PICALM: variants seen among roughly 807,000 people sequenced by gnomAD.
PICALM encodes the protein phosphatidylinositol-binding clathrin assembly protein.
A neutral mutation model predicts 80.5 loss-of-function variants in PICALM; 40 were observed. The ratio of observed to expected loss-of-function variants is 0.50; its 90% CI spans 0.39 to 0.65. The LOEUF is 0.65. Ranked by LOEUF, PICALM falls within the 30% of genes least tolerant of loss-of-function variation. The pLI is 0.00. For synonymous variants in PICALM, 288 were observed against 260.3 expected (o/e 1.11, Z -1.02); for missense variants, 676 against 778.9 (o/e 0.87, Z 1.57).
intron 1 of PICALM, among the ~76,000 whole-genome samples, chr11:86,042,501 A>T (rs2095991405): frequency 1.3e-5 from 2 of 152,116 alleles, no homozygotes; most frequent in Non-Finnish European, 1.5e-5. Flanking sequence ...TTCTTTGAAG[A>T]TCTTAAATTT....
intron 19 of PICALM, among the ~76,000 whole-genome samples, chr11:85,966,210 GT>G (rs1057261294): frequency 4.0e-5 from 6 of 150,356 alleles, no homozygotes; most frequent in East Asian, 2.0e-4. Context: ...CTCTAAAACT[GT>G]TTTTCCCCCC....
At chr11:85,989,808 G>A (rs1230992057) in intron 13 of PICALM, among the ~76,000 whole-genome samples, 1 of 151,944 alleles carries the variant, frequency 6.6e-6, no homozygotes, top group East Asian at 1.9e-4. Flanking sequence ...AGTTAAAAGA[G>A]AAATAAAATA....
intron 1 of PICALM, among the ~76,000 whole-genome samples, chr11:86,065,428 C>T (rs2096433339): frequency 2.0e-5 from 3 of 150,676 alleles, no homozygotes; most frequent in East Asian, 1.9e-4. Flanking sequence ...GGCGACAGAG[C>T]GAGACTCCGT....
chr11:85,996,693 T>C (rs1239223698), intron 12 of PICALM, 133 bp downstream of exon 12: 2 of 577,104 alleles, frequency 3.5e-6, no homozygotes, highest in Non-Finnish European at 6.1e-6. Context: ...GGGATAAAAT[T>C]GCTTCATTGC....
intron 1 of PICALM, among the ~76,000 whole-genome samples, chr11:86,051,131 T>C (rs926647996): frequency 6.6e-6 from 1 of 152,200 alleles, no homozygotes; most frequent in Admixed American, 6.6e-5. Context: ...GACAGAATAC[T>C]CTGATGGAGA....
Position 85,985,992 on chromosome 11 carries a change from T to C in PICALM, c.1409-2019A>G, listed in dbSNP as rs543302805. Among the ~76,000 whole-genome samples the C allele has an allele frequency of 2.6e-5, 4 of 152,280 alleles. No individual in the cohort carries two copies. The South Asian group carries it at 8.3e-4, about 32-fold the overall frequency. On this transcript the variant is annotated intron_variant, in intron 13 of 19. Transcript: ENST00000393346. ...TTCTGTAAAAAGAGGAGCCATCTCC[T>C]GAGGTGCCTAGAGGTACCAATCTGT...
intron 1 of PICALM, among the ~76,000 whole-genome samples, chr11:86,057,129 G>A (rs1407211033): frequency 1.3e-5 from 2 of 151,914 alleles, no homozygotes; most frequent in African/African-American, 4.8e-5. Flanking sequence ...AAATAACACT[G>A]AATTCTCTAC....
rs142284634 is a variant in PICALM at position 86,000,551 on chromosome 11, T to C, written c.1154+92A>G. ...TTTGTGTGAATAGATTATAAAAGCA[T>C]AAATAAAAGTAAACCTGAAAAGTTC... is the stretch of plus-strand genomic sequence containing the variant. On this transcript the variant is annotated intron_variant, in intron 11 of 19. Coordinates refer to ENST00000393346, the MANE Select transcript of PICALM (RefSeq NM_007166.4). 2,929 of 952,452 alleles carry C rather than the reference T, an allele frequency of 3.1e-3. 66 individuals are homozygous for C. The African/African-American group carries it at 0.041, about 13-fold the overall frequency. 59.0% of individuals were successfully genotyped at this position (952,452 alleles called of 1,614,324 possible).
rs2093602074 is a variant in PICALM at position 85,959,138 on chromosome 11, T to C, written c.1945-78A>G. The C allele has an allele frequency of 3.9e-6, 4 of 1,020,812 alleles. No individual in the cohort carries two copies. The African/African-American group carries it at 6.4e-5, about 16-fold the overall frequency. The allele number at this position is 1,020,812 out of a possible 1,614,324, so 63.2% of individuals were successfully genotyped here. On this transcript the variant is annotated intron_variant, in intron 19 of 19. Transcript: ENST00000393346. ...ATAAATAAAAATGCTTTGTGGTCTT[T>C]ACCATTTAACTGGCCCAGAAGTGTT...
At position 86,003,413 on chromosome 11, in the gene PICALM, T is replaced by C. The variant is rs200195910; in HGVS notation, c.846A>G (p.Leu282=). The C allele has an allele frequency of 8.3e-5, 132 of 1,599,824 alleles. No individual in the cohort carries two copies. Among genetic ancestry groups the C allele is most frequent in the Non-Finnish European group, 1.1e-4 (128 of 1,169,614 alleles). Residue 282 remains leucine (L), a synonymous_variant, in exon 9 of 20, where the codon TTA becomes TTG. Coordinates refer to ENST00000393346, the MANE Select transcript of PICALM (RefSeq NM_007166.4). ...SSLLDALEQH[L]ASLEGKKIKD... ...TGATTTTCTTTCCTTCCAAGGAAGC[T>C]AAATGTTGTTCCAAAGCATCAAGAA...
chr11:85,996,961 T>G, intron 11 of PICALM, 32 bp from the exon 12 acceptor site: 1 of 1,480,284 alleles, frequency 6.8e-7, no homozygotes, highest in Admixed American at 1.7e-5. Context: ...GTGTTTTATT[T>G]ACCAGAAAAA....
intron 19 of PICALM, chr11:85,960,710 T>C: frequency 1.5e-6 from 2 of 1,319,012 alleles, no homozygotes; most frequent in Admixed American, 2.3e-5. Context: ...CAAAGAGAGC[T>C]CTGCAAAGGG....
chr11:85,959,798 T>G (rs573551526), intron 19 of PICALM, among the ~76,000 whole-genome samples: 1 of 152,180 alleles, frequency 6.6e-6, no homozygotes, highest in Non-Finnish European at 1.5e-5. Context: ...CAGGCTGATC[T>G]TGAACTACTA....
chr11:86,031,434 C>G, intron 2 of PICALM, 35 bp downstream of exon 2: 2 of 1,555,268 alleles, frequency 1.3e-6, no homozygotes, highest in Non-Finnish European at 1.8e-6. Context: ...TAAGTCAACA[C>G]ATCAGTATAC....
intron 1 of PICALM, among the ~76,000 whole-genome samples, chr11:86,051,214 C>G (rs1208047525): frequency 6.6e-6 from 1 of 152,112 alleles, no homozygotes; most frequent in African/African-American, 2.4e-5. Flanking sequence ...ACAAAAAAAG[C>G]TAAAGGAGCA....
chr11:86,040,869 T>C (rs1028655438), intron 1 of PICALM, among the ~76,000 whole-genome samples: 3 of 152,176 alleles, frequency 2.0e-5, no homozygotes, highest in Non-Finnish European at 2.9e-5. Context: ...TACTTAGATA[T>C]ACAAAGCTGA....
intron 3 of PICALM, among the ~76,000 whole-genome samples, chr11:86,024,026 G>T (rs113387063): frequency 6.6e-6 from 1 of 152,074 alleles, no homozygotes; most frequent in African/African-American, 2.4e-5. Context: ...CAGCTGCTCA[G>T]GAGGCTGAAG....
At chr11:85,974,466 A>G (rs188305301) in intron 19 of PICALM, 9 of 616,824 alleles carry the variant, frequency 1.5e-5, no homozygotes, top group Admixed American at 9.2e-5. Flanking sequence ...CATCCTTTGG[A>G]TCTACCAACT....
At chr11:86,059,238 A>C (rs989508069) in intron 1 of PICALM, among the ~76,000 whole-genome samples, 1 of 152,252 alleles carries the variant, frequency 6.6e-6, no homozygotes, top group African/African-American at 2.4e-5. Flanking sequence ...TAATCATTCA[A>C]TATTTACTGA....
Sources: gnomAD v4.1 joint callset for allele counts (sites outside exome capture counted in the v4.1 genomes callset) on GRCh38, gnomAD v4.1.1 for gene constraint, MANE v1.5 for transcripts, NCBI Gene and HGNC (gene_info 2026-07-23, HGNC 2026-07-21) for gene names.